ELMO1: variants seen among roughly 807,000 people sequenced by gnomAD.
The protein encoded by ELMO1 is engulfment and cell motility 1, also known as engulfment and cell motility protein 1.
Under a neutral mutation model 98.9 loss-of-function variants are expected in ELMO1, and 26 were observed. That is an observed-to-expected ratio of 0.26 (90% CI 0.19 to 0.36). The LOEUF is 0.36. ELMO1 is among the 10% of genes least tolerant of loss of function. The pLI, the probability that ELMO1 is intolerant of heterozygous loss-of-function variation, is 1.00. For synonymous variants in ELMO1, 346 were observed against 346.0 expected (o/e 1.00, Z 0.00); for missense variants, 627 against 935.2 (o/e 0.67, Z 4.30).
At chr7:37,307,773 C>A (rs1216462620) in intron 4 of ELMO1, among the ~76,000 whole-genome samples, 6 of 152,146 alleles carry the variant, frequency 3.9e-5, no homozygotes, top group African/African-American at 9.7e-5. Flanking sequence ...TCCTTGGACT[C>A]AAAGTGCTAC....
chr7:37,412,870 CAGCCACAGG>C (rs1804051476), intron 1 of ELMO1, among the ~76,000 whole-genome samples: 1 of 152,204 alleles, frequency 6.6e-6, no homozygotes, highest in Admixed American at 6.5e-5. Context: ...AGCAGCTTGT[CAGCCACAGG>C]AGCACATCAT....
chr7:37,226,051 C>T (rs1000518399), intron 8 of ELMO1, among the ~76,000 whole-genome samples: 1 of 152,108 alleles, frequency 6.6e-6, no homozygotes, highest in African/African-American at 2.4e-5. Context: ...GATAAATGCA[C>T]AGCACACCAT....
intron 4 of ELMO1, among the ~76,000 whole-genome samples, chr7:37,309,481 G>A (rs1016443486): frequency 6.6e-6 from 1 of 152,186 alleles, no homozygotes; most frequent in Admixed American, 6.5e-5. Flanking sequence ...GGCCCAACAG[G>A]AGCTAGCCCA....
chr7:37,066,019 A>AT (rs1234369547), intron 15 of ELMO1, among the ~76,000 whole-genome samples: 2 of 152,162 alleles, frequency 1.3e-5, no homozygotes, highest in African/African-American at 4.8e-5. Flanking sequence ...TGATGGTTTT[A>AT]TAAATGGGAG....
intron 16 of ELMO1, among the ~76,000 whole-genome samples, chr7:36,938,219 AT>A (rs1250989602): frequency 6.6e-6 from 1 of 152,234 alleles, no homozygotes; most frequent in Non-Finnish European, 1.5e-5. Flanking sequence ...TATAGTTGTC[AT>A]TGTAATTATG....
intron 16 of ELMO1, among the ~76,000 whole-genome samples, chr7:37,003,276 T>C (rs1164731535): frequency 6.6e-6 from 1 of 151,980 alleles, no homozygotes; most frequent in South Asian, 2.1e-4. Flanking sequence ...TAATCCCGGG[T>C]ACTCGGGAGG....
chr7:37,064,366 C>T (rs1263301002), intron 15 of ELMO1, among the ~76,000 whole-genome samples: 1 of 152,184 alleles, frequency 6.6e-6, no homozygotes, highest in African/African-American at 2.4e-5. Flanking sequence ...ATCTGCATAT[C>T]CTCTGCGATG....
Position 36,940,241 on chromosome 7 carries a change from T to C in ELMO1, c.1438-45224A>G, listed in dbSNP as rs114140537. On this transcript the variant is annotated intron_variant, in intron 16 of 21. Coordinates refer to ENST00000310758, the MANE Select transcript of ELMO1 (RefSeq NM_014800.11). ...GCTTAACAAGGGCTTACAGTCACAC[T>C]GGGGCAAATCTGGTGAAAGCAACCT... is the stretch of plus-strand genomic sequence containing the variant. 8.5e-3 allele frequency among the ~76,000 whole-genome samples: 1,295 copies of C among 152,346 alleles called. 18 individuals carry two copies. The highest frequency in any genetic ancestry group is 0.029 in the African/African-American group (1,226 of 41,570).
chr7:36,946,366 G>A (rs1364476701), intron 16 of ELMO1, among the ~76,000 whole-genome samples: 5 of 152,152 alleles, frequency 3.3e-5, no homozygotes, highest in Non-Finnish European at 7.3e-5. Context: ...GAGAATGAGT[G>A]GTATTCATGG....
At chr7:37,058,583 C>T (rs1167455823) in intron 15 of ELMO1, among the ~76,000 whole-genome samples, 1 of 152,148 alleles carries the variant, frequency 6.6e-6, no homozygotes, top group Non-Finnish European at 1.5e-5. Context: ...CGAAATGATT[C>T]TGTGTCTGCA....
intron 1 of ELMO1, among the ~76,000 whole-genome samples, chr7:37,352,492 TATA>T (rs1356169036): frequency 6.6e-6 from 1 of 152,258 alleles, no homozygotes; most frequent in African/African-American, 2.4e-5. Flanking sequence ...ATATGCAATC[TATA>T]ATATTTCCCA....
chr7:37,287,204 A>AT (rs1450143379), intron 4 of ELMO1, among the ~76,000 whole-genome samples: 1 of 152,156 alleles, frequency 6.6e-6, no homozygotes, highest in Non-Finnish European at 1.5e-5. Context: ...CAAAAAAAAA[A>AT]AAAAAAATTG....
At chr7:36,915,740 G>A (rs751233134) in intron 16 of ELMO1, among the ~76,000 whole-genome samples, 23 of 152,184 alleles carry the variant, frequency 1.5e-4, no homozygotes, top group Non-Finnish European at 1.6e-4. Flanking sequence ...GAGTCACAGC[G>A]AGTGACCTGA....
chr7:36,930,714 G>C (rs371372146), intron 16 of ELMO1, among the ~76,000 whole-genome samples: 22 of 152,288 alleles, frequency 1.4e-4, no homozygotes, highest in African/African-American at 4.8e-4. Context: ...AAATAAGCTT[G>C]ACTCTGCTTT....
chr7:36,893,863 CA>C (rs1353783827), intron 17 of ELMO1, among the ~76,000 whole-genome samples: 1 of 152,114 alleles, frequency 6.6e-6, no homozygotes, highest in Non-Finnish European at 1.5e-5. Context: ...GGGTGCATTA[CA>C]AATTGCCAAG....
chr7:36,876,106 T>C (rs979738814), intron 19 of ELMO1, among the ~76,000 whole-genome samples: 1 of 152,160 alleles, frequency 6.6e-6, no homozygotes, highest in Admixed American at 6.5e-5. Flanking sequence ...AACAATAACC[T>C]CAACTCTTTC....
intron 10 of ELMO1, among the ~76,000 whole-genome samples, chr7:37,217,048 C>A (rs546526293): frequency 1.3e-5 from 2 of 152,304 alleles, no homozygotes; most frequent in South Asian, 4.1e-4. Context: ...TACGTACGTG[C>A]AGAAAGCTTT....
intron 16 of ELMO1, chr7:37,002,144 AT>A (rs1562888703): frequency 6.6e-6 from 1 of 151,988 alleles, no homozygotes; most frequent in East Asian, 1.9e-4. Flanking sequence ...CATATATCTC[AT>A]TTTGGGACCT....
intron 15 of ELMO1, among the ~76,000 whole-genome samples, chr7:37,056,220 T>C (rs1376665250): frequency 6.6e-6 from 1 of 152,228 alleles, no homozygotes; most frequent in East Asian, 1.9e-4. Flanking sequence ...TTTACAAGGT[T>C]GTGTACCCAA....
Sources: gnomAD v4.1 joint callset for allele counts (sites outside exome capture counted in the v4.1 genomes callset) on GRCh38, gnomAD v4.1.1 for gene constraint, MANE v1.5 for transcripts, NCBI Gene and HGNC (gene_info 2026-07-23, HGNC 2026-07-21) for gene names.